Variants in IQSEC1 observed in about 807,000 individuals in gnomAD.
IQSEC1 encodes the protein IQ motif and Sec7 domain ArfGEF 1.
Under a neutral mutation model 91.0 loss-of-function variants are expected in IQSEC1, and 31 were observed. The observed-to-expected ratio is 0.34, with a 90% CI of 0.26 to 0.46. The LOEUF is 0.46. Among genes scored for constraint, IQSEC1 ranks in the 20% least tolerant of loss-of-function variants. The pLI is 1.00. For synonymous variants in IQSEC1, 699 were observed against 662.6 expected (o/e 1.05, Z -0.84); for missense variants, 1,388 against 1,575.6 (o/e 0.88, Z 2.02).
In IQSEC1 at chr3:12,922,059, C is replaced by T; in HGVS notation, c.1853+61G>A. ...TGCAGTCTTTGGTCCATCCTCGGGC[C>T]CTGAAGCTGGGGGACACCATTCTTC... On this transcript the variant is annotated intron_variant, in intron 5 of 13. Transcript: ENST00000613206. This position sits in a 1 kb window ranked among gnomAD's most constrained non-coding sequence, Gnocchi z 5.1. 1 of 1,503,262 alleles carries T rather than the reference C, an allele frequency of 6.7e-7. No homozygotes were observed. Among genetic ancestry groups the T allele is most frequent in the South Asian group, 1.3e-5 (1 of 77,702 alleles). The allele number at this position is 1,503,262 out of a possible 1,614,324, so 93.1% of individuals were successfully genotyped here. A position where few individuals can be genotyped will look rare whatever the true frequency, so the allele number is the denominator to read the frequency against.
chr3:12,974,853 T>C (rs1244196914), intron 1 of IQSEC1, among the ~76,000 whole-genome samples: 6 of 152,258 alleles, frequency 3.9e-5, no homozygotes, highest in Non-Finnish European at 8.8e-5. Flanking sequence ...CTGGGTGGGC[T>C]TGGCCCCCTG....
At chr3:13,080,288 T>C (rs1705628572) in intron 2 of IQSEC1, among the ~76,000 whole-genome samples, 1 of 151,878 alleles carries the variant, frequency 6.6e-6, no homozygotes, top group Non-Finnish European at 1.5e-5. Context: ...AGGCCTGCAC[T>C]GAGGCATGAG....
intron 2 of IQSEC1, among the ~76,000 whole-genome samples, chr3:13,088,878 C>T (rs779513097): frequency 4.6e-5 from 7 of 152,248 alleles, no homozygotes; most frequent in Non-Finnish European, 7.3e-5. Flanking sequence ...CACTCCAAAA[C>T]ACCTCCTGCT....
chr3:13,072,583 C>G (rs981921958), intron 1 of IQSEC1, among the ~76,000 whole-genome samples: 1 of 152,242 alleles, frequency 6.6e-6, no homozygotes, highest in African/African-American at 2.4e-5. Flanking sequence ...ACTGCCTCAG[C>G]CTGCCTGCGA....
intron 1 of IQSEC1, among the ~76,000 whole-genome samples, chr3:12,943,350 A>G (rs1698934381): frequency 1.3e-5 from 2 of 152,206 alleles, no homozygotes; most frequent in Admixed American, 1.3e-4. Flanking sequence ...CGGAACTCGC[A>G]AGCCTTTTCA....
At chr3:13,028,138 T>C (rs912625644) in intron 1 of IQSEC1, among the ~76,000 whole-genome samples, 3 of 151,922 alleles carry the variant, frequency 2.0e-5, no homozygotes, top group East Asian at 1.9e-4. Context: ...GGAGGACAAA[T>C]AGGGGGTTTG....
intron 2 of IQSEC1, among the ~76,000 whole-genome samples, chr3:13,120,674 G>A (rs1351036460): frequency 6.6e-6 from 1 of 152,224 alleles, no homozygotes; most frequent in Admixed American, 6.5e-5. Context: ...GGTGCACCAA[G>A]GGAGGAGGGC....
chr3:13,215,971 A>G (rs1459196024), intron 1 of IQSEC1, among the ~76,000 whole-genome samples: 1 of 152,184 alleles, frequency 6.6e-6, no homozygotes. Flanking sequence ...CTCACAGCCA[A>G]AGTCTGCTTC....
chr3:13,056,940 A>AGT (rs1346811359), intron 1 of IQSEC1, among the ~76,000 whole-genome samples: 2 of 152,154 alleles, frequency 1.3e-5, no homozygotes, highest in African/African-American at 4.8e-5. Context: ...CCAGGCACAC[A>AGT]ATGCATACCT....
intron 1 of IQSEC1, among the ~76,000 whole-genome samples, chr3:13,220,217 G>C (rs941186600): frequency 2.0e-5 from 3 of 152,266 alleles, no homozygotes; most frequent in Non-Finnish European, 1.5e-5. Context: ...GCAAACTGGA[G>C]AGCCAGCCTG....
Position 13,214,092 on chromosome 3 carries a change from C to T in IQSEC1, c.273-49959G>A, listed in dbSNP as rs1036334789. On this transcript the variant is annotated intron_variant, in intron 1 of 15. Transcript: ENST00000648114. The surrounding 1 kb of genome is among the most constrained non-coding windows in gnomAD (Gnocchi z 4.5). Reference sequence around the variant, plus strand: ...CCCTGTCCACTGTGCTCTGTCCACACGGCCCAGCCCCTCCTGGCCTTTGCT... The same window carrying T: ...CCCTGTCCACTGTGCTCTGTCCACATGGCCCAGCCCCTCCTGGCCTTTGCT... 3.3e-5 allele frequency among the ~76,000 whole-genome samples: 5 copies of T among 152,206 alleles called. No homozygotes were observed. The highest frequency in any genetic ancestry group is 4.8e-5 in the African/African-American group (2 of 41,450).
At chr3:13,113,061 C>T (rs2124870471) in intron 2 of IQSEC1, among the ~76,000 whole-genome samples, 1 of 152,352 alleles carries the variant, frequency 6.6e-6, no homozygotes, top group East Asian at 1.9e-4. Context: ...GCTGCTCTTT[C>T]CAGGCTCCTG....
intron 1 of IQSEC1, among the ~76,000 whole-genome samples, chr3:12,968,657 C>G (rs542047009): frequency 6.6e-5 from 10 of 152,306 alleles, no homozygotes; most frequent in Admixed American, 3.9e-4. Context: ...TGTCCTTGGG[C>G]TCCATGAAGG....
intron 1 of IQSEC1, among the ~76,000 whole-genome samples, chr3:12,998,689 C>T (rs1702311553): frequency 6.6e-6 from 1 of 152,102 alleles, no homozygotes; most frequent in African/African-American, 2.4e-5. Context: ...AGAATATCTG[C>T]TGGTACCTGC....
At chr3:13,242,654 C>T (rs1289868599) in intron 1 of IQSEC1, among the ~76,000 whole-genome samples, 1 of 152,198 alleles carries the variant, frequency 6.6e-6, no homozygotes, top group East Asian at 1.9e-4. Context: ...GGCCTGGTGA[C>T]TCTGGCATCT....
chr3:13,155,289 G>T (rs1456600367), intron 2 of IQSEC1, among the ~76,000 whole-genome samples: 1 of 152,146 alleles, frequency 6.6e-6, no homozygotes, highest in Non-Finnish European at 1.5e-5. Context: ...AATCAGAAGT[G>T]AAAGTTAGAA....
intron 1 of IQSEC1, among the ~76,000 whole-genome samples, chr3:12,962,721 A>G (rs139438362): frequency 6.8e-4 from 104 of 152,374 alleles, no homozygotes; most frequent in Non-Finnish European, 1.1e-3. Flanking sequence ...TGCGCACAGC[A>G]CACAAGCATG....
At position 12,909,412 on chromosome 3, in the gene IQSEC1, G is replaced by A. The variant is rs146550212; in HGVS notation, c.2439C>T (p.Leu813=). The A allele has an allele frequency of 2.0e-5, 32 of 1,614,040 alleles. No individual in the cohort carries two copies. The highest frequency in any genetic ancestry group is 4.0e-5 in the African/African-American group (3 of 74,940). Residue 813 remains leucine, a synonymous_variant, in exon 11 of 14, where the codon CTC becomes CTT. Transcript: ENST00000613206. The surrounding 1 kb of genome is among the most constrained non-coding windows in gnomAD (Gnocchi z 4.9). ...ENQYYPNGIR[L]TSSVPGADIK... Reference sequence around the variant, plus strand: ...TATCTGCTCCGGGGACAGACGAGGTGAGCCGGATGCCATTGGGGTAGTCTG... The same window carrying A: ...TATCTGCTCCGGGGACAGACGAGGTAAGCCGGATGCCATTGGGGTAGTCTG...
At chr3:13,052,416 G>C (rs1376094631) in intron 1 of IQSEC1, among the ~76,000 whole-genome samples, 18 of 152,232 alleles carry the variant, frequency 1.2e-4, no homozygotes, top group Admixed American at 1.2e-3. Flanking sequence ...CCCCGGCGTG[G>C]CTGGGACAGT....
Sources: allele counts gnomAD v4.1 joint callset (sites outside exome capture counted in the v4.1 genomes callset), GRCh38; gene constraint gnomAD v4.1.1; non-coding constraint Gnocchi (gnomAD v3.1); transcripts MANE v1.5; gene names NCBI Gene and HGNC (gene_info 2026-07-23, HGNC 2026-07-21).